Variants in LIMK2 observed in about 807,000 individuals in gnomAD.
LIMK2 encodes LIM domain kinase 2.
LIMK2 carries 35 observed loss-of-function variants against 75.7 expected under a neutral mutation model. The observed-to-expected ratio is 0.46, with a 90% CI of 0.35 to 0.61. The LOEUF is 0.61. Ranked by LOEUF, LIMK2 falls within the 20% of genes least tolerant of loss-of-function variation. The pLI, the probability that LIMK2 is intolerant of heterozygous loss-of-function variation, is 0.00. For synonymous variants in LIMK2, 301 were observed against 319.2 expected (o/e 0.94, Z 0.61); for missense variants, 623 against 831.0 (o/e 0.75, Z 3.08).
At chr22:31,255,325 T>C (rs998910478) in intron 2 of LIMK2, among the ~76,000 whole-genome samples, 1 of 152,172 alleles carries the variant, frequency 6.6e-6, no homozygotes, top group African/African-American at 2.4e-5. Context: ...AAGAACAGTC[T>C]TCCCCTCTGC....
intron 7 of LIMK2, among the ~76,000 whole-genome samples, chr22:31,265,020 C>T (rs2048878071): frequency 6.6e-6 from 1 of 151,666 alleles, no homozygotes; most frequent in Admixed American, 6.6e-5. Flanking sequence ...GGTGAAACCC[C>T]ATCTCTACTA....
At chr22:31,219,229 CCTT>C (rs1271830416) in intron 1 of LIMK2, among the ~76,000 whole-genome samples, 10 of 152,240 alleles carry the variant, frequency 6.6e-5, no homozygotes, top group African/African-American at 9.6e-5. Flanking sequence ...AGTCTATTTT[CCTT>C]CTTTTTTTTT....
At chr22:31,249,509 G>A (rs1019112475) in intron 2 of LIMK2, among the ~76,000 whole-genome samples, 4 of 152,132 alleles carry the variant, frequency 2.6e-5, no homozygotes, top group African/African-American at 9.7e-5. Flanking sequence ...GGCTTTCTTT[G>A]CTCATTGCCC....
intron 2 of LIMK2, among the ~76,000 whole-genome samples, chr22:31,249,927 T>G (rs2048708761): frequency 6.6e-6 from 1 of 152,162 alleles, no homozygotes; most frequent in Non-Finnish European, 1.5e-5. Context: ...CTAAAGAGAT[T>G]ATATATCCCC....
rs56007064 is a variant in LIMK2 at position 31,278,695 on chromosome 22, C to T, written c.*254C>T. ...CTGAAAGCTGTGAAGAAGAAAAAAA[C>T]CCCTGGCCTTTGGGCCAGGAGGAAT... On this transcript the variant is annotated 3_prime_UTR_variant, in exon 16 of 16. Coordinates refer to ENST00000331728, the MANE Select transcript of LIMK2 (RefSeq NM_005569.4). The T allele has an allele frequency of 1.2e-5, 4 of 338,524 alleles. No individual in the cohort carries two copies. The highest frequency in any genetic ancestry group is 6.3e-5 in the African/African-American group (3 of 47,460). 21.0% of individuals were successfully genotyped at this position (338,524 alleles called of 1,614,324 possible).
chr22:31,245,411 C>T (rs57523999), intron 2 of LIMK2, among the ~76,000 whole-genome samples: 34,994 of 152,104 alleles, frequency 0.23, 6,165 homozygotes, highest in African/African-American at 0.49. Flanking sequence ...AAGCGATTCT[C>T]CTGTCTCAGC....
At chr22:31,277,338 G>A (rs1008260534) in intron 15 of LIMK2, 5 of 1,417,714 alleles carry the variant, frequency 3.5e-6, no homozygotes, top group Non-Finnish European at 4.6e-6. Context: ...TTAAACTGAT[G>A]GGACTTTGTG....
chr22:31,270,092 T>C (rs2048940535), intron 11 of LIMK2, among the ~76,000 whole-genome samples: 1 of 152,186 alleles, frequency 6.6e-6, no homozygotes, highest in Admixed American at 6.5e-5. Context: ...CCTGCTGTTC[T>C]GTGCTAGCAG....
intron 14 of LIMK2, among the ~76,000 whole-genome samples, chr22:31,274,647 C>T (rs1017196463): frequency 2.6e-5 from 4 of 152,158 alleles, no homozygotes; most frequent in African/African-American, 9.7e-5. Flanking sequence ...GTGATCCACC[C>T]GCTTCAGCCT....
At chr22:31,219,310 G>A (rs1316713628) in intron 1 of LIMK2, among the ~76,000 whole-genome samples, 1 of 152,140 alleles carries the variant, frequency 6.6e-6, no homozygotes, top group Non-Finnish European at 1.5e-5. Flanking sequence ...GGAGAGAGAA[G>A]CATTCATAAA....
At chr22:31,261,641 G>T (rs527908535) in intron 5 of LIMK2, among the ~76,000 whole-genome samples, 14 of 152,012 alleles carry the variant, frequency 9.2e-5, no homozygotes, top group East Asian at 1.9e-4. Flanking sequence ...GGTGGTGCGC[G>T]CCTGTAATCC....
chr22:31,278,483 A>C lies in LIMK2; in HGVS notation c.*42A>C, dbSNP rs1267456597. Reference sequence around the variant, plus strand: ...TGCAGGGGGGTGTTCTACAGCCAGCATTGCCCCTCTGTGCCCCATTCCTGC... The same window carrying C: ...TGCAGGGGGGTGTTCTACAGCCAGCCTTGCCCCTCTGTGCCCCATTCCTGC... On this transcript the variant is annotated 3_prime_UTR_variant, in exon 16 of 16. Coordinates refer to ENST00000331728, the MANE Select transcript of LIMK2 (RefSeq NM_005569.4). 1 of 1,551,196 alleles carries C rather than the reference A, an allele frequency of 6.4e-7. No individual in the cohort carries two copies. The highest frequency in any genetic ancestry group is 8.7e-7 in the Non-Finnish European group (1 of 1,151,246).
chr22:31,244,612 C>G (rs1002817141), intron 2 of LIMK2, among the ~76,000 whole-genome samples: 1 of 152,170 alleles, frequency 6.6e-6, no homozygotes, highest in African/African-American at 2.4e-5. Context: ...AGAGAGCCCT[C>G]TGCAACCTCA....
Position 31,274,727 on chromosome 22 carries a change from T to C in LIMK2, c.1615-424T>C, listed in dbSNP as rs1242673777. 2.6e-5 allele frequency among the ~76,000 whole-genome samples: 4 copies of C among 152,144 alleles called. No homozygotes were observed. In the East Asian group the frequency reaches 7.7e-4, roughly 29 times the overall value. ...TGAAGGAAGATTTGTTTTAAAAAATTGTTTTCTTTAATATTAATTGAACAC... is the reference window on the plus strand; with the variant it reads ...TGAAGGAAGATTTGTTTTAAAAAATCGTTTTCTTTAATATTAATTGAACAC... On this transcript the variant is annotated intron_variant, in intron 14 of 15. Transcript: ENST00000331728.
chr22:31,234,304 A>G (rs554222169), intron 2 of LIMK2, among the ~76,000 whole-genome samples: 2 of 145,996 alleles, frequency 1.4e-5, no homozygotes, highest in South Asian at 4.7e-4. Context: ...GAGCCACTGC[A>G]CCTGGCTGGA....
intron 2 of LIMK2, among the ~76,000 whole-genome samples, chr22:31,242,919 A>T (rs1363951006): frequency 6.6e-6 from 1 of 152,086 alleles, no homozygotes; most frequent in African/African-American, 2.4e-5. Context: ...AATTGCTGGG[A>T]CATTTTATTT....
Position 31,278,418 on chromosome 22 carries a change from C to T in LIMK2, c.1894C>T (p.Leu632=), listed in dbSNP as rs1199085400. 5.0e-6 allele frequency: 8 copies of T among 1,612,880 alleles called. No individual in the cohort carries two copies. Among genetic ancestry groups the T allele is most frequent in the Non-Finnish European group, 6.8e-6 (8 of 1,179,556 alleles). Residue 632 remains leucine (L), a synonymous_variant, in exon 16 of 16, where the codon CTG becomes TTG. Transcript: ENST00000331728. ...LDHTVSMQYG[L]TRDSPP ...CCACACTGTGAGCATGCAGTACGGCCTGACCCGGGACTCACCTCCCTAGCC... is the reference window on the plus strand; with the variant it reads ...CCACACTGTGAGCATGCAGTACGGCTTGACCCGGGACTCACCTCCCTAGCC...
At chr22:31,242,787 C>T (rs1228034124) in intron 2 of LIMK2, among the ~76,000 whole-genome samples, 1 of 152,224 alleles carries the variant, frequency 6.6e-6, no homozygotes, top group African/African-American at 2.4e-5. Flanking sequence ...CATCACATTA[C>T]AGGAGTAGCA....
chr22:31,258,632 C>T (rs1283391759), intron 3 of LIMK2: 4 of 541,162 alleles, frequency 7.4e-6, no homozygotes, highest in African/African-American at 1.9e-5. Flanking sequence ...AATAGTTGAA[C>T]GTTGGGAGTG....
Sources: allele counts gnomAD v4.1 joint callset (sites outside exome capture counted in the v4.1 genomes callset), GRCh38; gene constraint gnomAD v4.1.1; transcripts MANE v1.5; gene names NCBI Gene and HGNC (gene_info 2026-07-23, HGNC 2026-07-21).